Variants in TRPM5 observed in about 807,000 individuals in gnomAD.
TRPM5 encodes transient receptor potential cation channel subfamily M member 5.
TRPM5 carries 121 observed loss-of-function variants against 124.9 expected under a neutral mutation model. The ratio of observed to expected loss-of-function variants is 0.97; its 90% confidence interval spans 0.84 to 1.13. The LOEUF is 1.13. Among genes scored for constraint, TRPM5 ranks in the 50% most tolerant of loss-of-function variants. The pLI is 0.00. For missense variants in TRPM5, 1,643 were observed against 1,589.1 expected (o/e 1.03, Z -0.58); for synonymous variants, 781 against 700.5 (o/e 1.11, Z -1.81).
At chr11:2,424,362 C>T (rs1845817563), upstream of TRPM5, among the ~76,000 whole-genome samples, 1 of 152,232 alleles carries the variant, frequency 6.6e-6, no homozygotes, top group African/African-American at 2.4e-5. Flanking sequence ...CCAAGGCCCT[C>T]CCCATTAGGC....
intron 12 of TRPM5, 52 bp downstream of exon 17, chr11:2,414,009 G>GGGGGCGCC: frequency 9.8e-7 from 1 of 1,023,734 alleles, no homozygotes; most frequent in Non-Finnish European, 1.4e-6. Flanking sequence ...GGCCCAGCTC[G>GGGGGCGCC]CCCGCCCACC....
chr11:2,417,697 G>A (rs370069549), intron 7 of TRPM5, 30 bp downstream of exon 12: 32 of 1,496,718 alleles, frequency 2.1e-5, no homozygotes, highest in East Asian at 1.4e-4. Flanking sequence ...CCCCAATGGC[G>A]CCTGCCTTGC....
upstream of TRPM5, among the ~76,000 whole-genome samples, chr11:2,427,454 C>T (rs1276304292): frequency 6.6e-6 from 1 of 152,222 alleles, no homozygotes; most frequent in East Asian, 1.9e-4. Flanking sequence ...CCGCCCACAA[C>T]TCCTGGCACC....
chr11:2,417,227 G>A (rs548464795), intron 7 of TRPM5, among the ~76,000 whole-genome samples: 13 of 152,264 alleles, frequency 8.5e-5, no homozygotes, highest in African/African-American at 1.9e-4. Context: ...CGAGGCAGGC[G>A]GATCACGAGG....
At chr11:2,408,865 G>A (rs1035744338) in intron 18 of TRPM5, among the ~76,000 whole-genome samples, 3 of 152,230 alleles carry the variant, frequency 2.0e-5, no homozygotes, top group Non-Finnish European at 1.5e-5. Context: ...GCACGCTGGC[G>A]TGTGTCTGTG....
At chr11:2,412,827 G>T (rs556364904) in exon 15 of TRPM5, 1 of 1,604,564 alleles carries the variant, frequency 6.2e-7, no homozygotes, top group African/African-American at 1.3e-5. Context: ...GGGGCCCTGG[G>T]GGGGCGGCCT....
At chr11:2,425,466 T>TGA (rs201779220), upstream of TRPM5, among the ~76,000 whole-genome samples, 14,893 of 152,184 alleles carry the variant, frequency 0.098, 838 homozygotes, top group South Asian at 0.17. Context: ...CGTGGCTTCA[T>TGA]CTTCATGGTG....
At chr11:2,404,657 G>A in exon 24 of TRPM5, 1 of 489,028 alleles carries the variant, frequency 2.0e-6, no homozygotes, top group Non-Finnish European at 3.7e-6. Context: ...AGGCTGGTCA[G>A]TTTCCAGGTA....
At position 2,407,112 on chromosome 11, in the gene TRPM5, G is replaced by A; in HGVS notation, c.3118+7C>T. 3 of 1,576,434 alleles carry A rather than the reference G, an allele frequency of 1.9e-6. No homozygotes were observed. The highest frequency in any genetic ancestry group is 2.4e-5 in the East Asian group (1 of 42,324). ...ACCCAGGTGCTCCCGCTTGTGCTCG[G>A]CCTCACCCAGGTGCTCCCGCTTGTG... On this transcript the variant is annotated splice_region_variant and intron_variant, in intron 20 of 23. Transcript: ENST00000155858.
chr11:2,420,469 G>T (rs980203050), intron 3 of TRPM5, 64 bp from the exon 9 acceptor site: 2 of 1,509,158 alleles, frequency 1.3e-6, no homozygotes, highest in South Asian at 2.5e-5. Flanking sequence ...TCCCGCTGCG[G>T]GATCCTCCCT....
the TRPM5 span, among the ~76,000 whole-genome samples, chr11:2,435,765 C>G: frequency 2.0e-5 from 3 of 152,196 alleles, no homozygotes; most frequent in Admixed American, 6.5e-5. This position sits in a 1 kb window ranked among gnomAD's most constrained non-coding sequence, Gnocchi z 4.1. Context: ...ACCCACCCAC[C>G]CATCCATCCA....
exon 21 of TRPM5, chr11:2,406,742 A>T: frequency 6.2e-7 from 1 of 1,613,372 alleles, no homozygotes; most frequent in Non-Finnish European, 8.5e-7. Context: ...CTCCTTCTGG[A>T]CTGTCTCCCA....
chr11:2,407,261 G>A (rs754650023), exon 20 of TRPM5: 1 of 1,612,188 alleles, frequency 6.2e-7, no homozygotes, highest in Non-Finnish European at 8.5e-7. Context: ...GGAACTTCCA[G>A]AACATGTCTG....
exon 9 of TRPM5, chr11:2,415,179 A>G (rs777321425): frequency 2.5e-6 from 4 of 1,585,288 alleles, no homozygotes; most frequent in Non-Finnish European, 3.4e-6. Flanking sequence ...GGCGTCCTGC[A>G]GGAAGTCCTT....
the TRPM5 span, among the ~76,000 whole-genome samples, chr11:2,431,516 G>A: frequency 5.9e-5 from 9 of 152,202 alleles, no homozygotes; most frequent in East Asian, 1.7e-3. Context: ...CCATCTCCTG[G>A]ACACCCAAAA....
chr11:2,442,764 T>C, the TRPM5 span, among the ~76,000 whole-genome samples: 4 of 152,218 alleles, frequency 2.6e-5, no homozygotes, highest in Non-Finnish European at 5.9e-5. This position sits in a 1 kb window ranked among gnomAD's most constrained non-coding sequence, Gnocchi z 5.9. Context: ...GCCAATCTGA[T>C]AAGCAAGCAG....
At chr11:2,407,249 C>T (rs1850343030) in exon 20 of TRPM5, 1 of 1,612,350 alleles carries the variant, frequency 6.2e-7, no homozygotes, top group African/African-American at 1.3e-5. Flanking sequence ...GGTTGTAGCG[C>T]TGGAACTTCC....
At chr11:2,407,947 G>C (rs1315641714) in intron 18 of TRPM5, 35 bp from the exon 24 acceptor site, 5 of 1,606,856 alleles carry the variant, frequency 3.1e-6, no homozygotes, top group Non-Finnish European at 4.3e-6. Flanking sequence ...ACCAGACCGG[G>C]GGCAGCCACA....
Position 2,411,737 on chromosome 11 carries a change from G to C in TRPM5, c.2505C>G (p.Arg835=), listed in dbSNP as rs749465822. Residue 835 remains arginine (R), a synonymous_variant, in exon 17 of 24, where the codon CGC becomes CGG. Transcript: ENST00000155858. ...CCATGAAGTCCATGGCGAGGACTGT[G>C]CGGCCAGCCTCAAACGCCGACGGCA... is the stretch of plus-strand genomic sequence containing the variant. 3.1e-6 allele frequency: 5 copies of C among 1,612,580 alleles called. No homozygotes were observed. The South Asian group carries it at 5.5e-5, about 18-fold the overall frequency.
Sources: gnomAD v4.1 joint callset for allele counts (sites outside exome capture counted in the v4.1 genomes callset) on GRCh38, gnomAD v4.1.1 for gene constraint, Gnocchi (gnomAD v3.1) non-coding constraint, MANE v1.5 for transcripts, NCBI Gene and HGNC (gene_info 2026-07-23, HGNC 2026-07-21) for gene names.